Variants in DPM2 observed in about 807,000 individuals in gnomAD.
The protein encoded by DPM2 is dolichol phosphate-mannose biosynthesis regulatory protein.
DPM2 carries 8 observed loss-of-function variants against 12.1 expected under a neutral mutation model. The observed-to-expected ratio is 0.66, with a 90% CI of 0.39 to 1.19. The LOEUF (loss-of-function observed/expected upper bound fraction) is 1.19, where lower values mean the gene tolerates loss of function less well. Among genes scored for constraint, DPM2 ranks in the 50% most tolerant of loss-of-function variants. The probability of loss-of-function intolerance (pLI) is 0.01; values close to 1 mark genes in which losing one functional copy is unlikely to be tolerated. For synonymous variants in DPM2, 38 were observed against 44.7 expected, an observed-to-expected ratio of 0.85 and a Z score of 0.60; for missense variants, 93 against 102.5, an observed-to-expected ratio of 0.91 and a Z score of 0.40.
chr9:127,935,624 G>A lies in DPM2; in HGVS notation c.*98C>T. ...TCTGCAGGACAGGCAGGCTTGAGGA[G>A]CCACTGTGCCTGGACAGGTTCTGCA... is the stretch of plus-strand genomic sequence containing the variant. On this transcript the variant is annotated 3_prime_UTR_variant, in exon 4 of 4. Transcript: ENST00000314392. The A allele has an allele frequency of 7.9e-7, 1 of 1,267,314 alleles. No individual in the cohort carries two copies. Among genetic ancestry groups the A allele is most frequent in the Non-Finnish European group, 1.1e-6 (1 of 884,502 alleles). 78.5% of individuals were successfully genotyped at this position (1,267,314 alleles called of 1,614,324 possible). A position where few individuals can be genotyped will look rare whatever the true frequency, so the allele number is the denominator to read the frequency against.
chr9:127,935,890 A>G (rs966593050), intron 3 of DPM2, 110 bp from the exon 4 acceptor site: 2 of 1,021,158 alleles, frequency 2.0e-6, no homozygotes, highest in Non-Finnish European at 3.0e-6. Flanking sequence ...AACCTACCCA[A>G]CCATCCTCCA....
intron 3 of DPM2, 191 bp downstream of exon 3, chr9:127,936,362 G>T (rs138634733): frequency 1.5e-5 from 23 of 1,535,204 alleles, no homozygotes; most frequent in Non-Finnish European, 1.9e-5. Context: ...CAGGTCATTG[G>T]AGTCCAAAAA....
At chr9:127,937,551 G>C in intron 1 of DPM2, 28 bp from the exon 2 acceptor site, 1 of 1,572,382 alleles carries the variant, frequency 6.4e-7, no homozygotes, top group East Asian at 2.2e-5. Context: ...CTCAGCTGAC[G>C]AAGTGACCCT....
At chr9:127,935,831 TG>T (rs1176893897) in intron 3 of DPM2, 51 bp from the exon 4 acceptor site, 3 of 1,592,188 alleles carry the variant, frequency 1.9e-6, no homozygotes, top group African/African-American at 1.3e-5. Flanking sequence ...TCAGGGCTGC[TG>T]GGAGGCCAGG....
chr9:127,935,809 T>A (rs751967535), intron 3 of DPM2, 29 bp from the exon 4 acceptor site: 1 of 1,610,522 alleles, frequency 6.2e-7, no homozygotes. Flanking sequence ...AAAGGCCACA[T>A]AAGATCTAAG....
Position 127,935,587 on chromosome 9 carries a change from T to TGCCATGGGGACTCTGCAGGACAGGCAG in DPM2, c.*108_*134dup. 2.3e-6 allele frequency: 2 copies of TGCCATGGGGACTCTGCAGGACAGGCAG among 869,492 alleles called. No individual in the cohort carries two copies. The highest frequency in any genetic ancestry group is 3.7e-6 in the Non-Finnish European group (2 of 539,588). The allele number at this position is 869,492 out of a possible 1,614,324, so 53.9% of individuals were successfully genotyped here. On this transcript the variant is annotated 3_prime_UTR_variant, in exon 4 of 4. Coordinates refer to ENST00000314392, the MANE Select transcript of DPM2 (RefSeq NM_003863.4). ...TCCAGTCAGTCAGGTGTAAGCTCCA[T>TGCCATGGGGACTCTGCAGGACAGGCAG]GCCATGGGGACTCTGCAGGACAGGC...
rs1831527470 is a variant in DPM2, at chr9:127,937,466, AGAT to A, written c.58_60del (p.Ile20del). ...ATCACCCAGGCGGTGTAGTAGGTGA[AGAT>A]GATCAGGCTAACGGCGACGAGGCCG... On this transcript the variant is annotated inframe_deletion, in exon 2 of 4. Coordinates refer to ENST00000314392, the MANE Select transcript of DPM2 (RefSeq NM_003863.4). 6.2e-7 allele frequency: 1 copy of A among 1,613,896 alleles called. No individual in the cohort carries two copies. The highest frequency in any genetic ancestry group is 1.1e-5 in the South Asian group (1 of 91,078).
chr9:127,936,228 G>C (rs1392036567), intron 3 of DPM2: 1 of 1,378,090 alleles, frequency 7.3e-7, no homozygotes, highest in Non-Finnish European at 9.6e-7. Context: ...TAATGATGGA[G>C]ACACAGTCCC....
intron 3 of DPM2, chr9:127,936,278 A>G: frequency 6.9e-7 from 1 of 1,442,656 alleles, no homozygotes; most frequent in Middle Eastern, 2.0e-4. Context: ...TGCAGGAATT[A>G]GAAGCCAGGG....
intron 2 of DPM2, 86 bp downstream of exon 2, chr9:127,937,348 G>C: frequency 1.9e-6 from 2 of 1,030,396 alleles, no homozygotes; most frequent in South Asian, 2.9e-5. Flanking sequence ...AATGAAGCCA[G>C]CGCCGTGCCT....
intron 2 of DPM2, 24 bp downstream of exon 2, chr9:127,937,410 C>A: frequency 6.3e-7 from 1 of 1,592,670 alleles, no homozygotes; most frequent in South Asian, 1.1e-5. Context: ...GGAAGGTGAG[C>A]AGCGGACGGG....
intron 3 of DPM2, chr9:127,936,040 T>C (rs966083935): frequency 1.7e-5 from 10 of 591,406 alleles, no homozygotes; most frequent in Non-Finnish European, 2.1e-5. Context: ...GATCCACCCA[T>C]CTATCGATCA....
Position 127,936,535 on chromosome 9 carries a change from G to A in DPM2, c.196+18C>T, listed in dbSNP as rs774675353. ...CCGAAACCCTGCCCAGGGTCAAGGG[G>A]AGGAGGTGATGACTTACCCACAAAC... On this transcript the variant is annotated intron_variant, in intron 3 of 3. Coordinates refer to ENST00000314392, the MANE Select transcript of DPM2 (RefSeq NM_003863.4). The A allele has an allele frequency of 1.2e-6, 2 of 1,601,812 alleles. No individual in the cohort carries two copies. Among genetic ancestry groups the A allele is most frequent in the African/African-American group, 1.3e-5 (1 of 74,610 alleles).
Position 127,937,803 on chromosome 9 carries a change from C to T in DPM2, c.3+15G>A, listed in dbSNP as rs894255140. ...CCCAGACGCCCCTATCTCCGGCACA[C>T]GGTGCCAATCTCACCATTTCCCCGC... On this transcript the variant is annotated intron_variant, in intron 1 of 3. Coordinates refer to ENST00000314392, the MANE Select transcript of DPM2 (RefSeq NM_003863.4). The T allele has an allele frequency of 6.2e-7, 1 of 1,609,186 alleles. No individual in the cohort carries two copies. The highest frequency in any genetic ancestry group is 1.1e-5 in the South Asian group (1 of 90,384).
Position 127,936,362 on chromosome 9 carries a change from G to C in DPM2, c.196+191C>G, listed in dbSNP as rs138634733. ...CAGGAAAGAGGTAGACAGGTCATTG[G>C]AGTCCAAAAAGCCTGGGGCACCAGG... On this transcript the variant is annotated intron_variant, in intron 3 of 3. Coordinates refer to ENST00000314392, the MANE Select transcript of DPM2 (RefSeq NM_003863.4). The C allele has an allele frequency of 1.5e-3, 2,324 of 1,535,314 alleles. 14 individuals are homozygous for C. The African/African-American group carries it at 0.022, about 14-fold the overall frequency.
At chr9:127,935,863 C>G (rs991958222) in intron 3 of DPM2, 83 bp from the exon 4 acceptor site, 2 of 1,364,910 alleles carry the variant, frequency 1.5e-6, no homozygotes, top group Non-Finnish European at 2.1e-6. Context: ...GCAGAGCCAC[C>G]CACACACAGG....
rs2131646771 is a variant in DPM2, at chr9:127,935,384, A to T, written c.*338T>A. The T allele has an allele frequency of 2.4e-6, 1 of 418,218 alleles. No homozygotes were observed. The highest frequency in any genetic ancestry group is 2.4e-5 in the South Asian group (1 of 41,858). 25.9% of individuals were successfully genotyped at this position (418,218 alleles called of 1,614,324 possible). A position where few individuals can be genotyped will look rare whatever the true frequency, so the allele number is the denominator to read the frequency against. On this transcript the variant is annotated 3_prime_UTR_variant, in exon 4 of 4. Transcript: ENST00000314392. The stretch of plus-strand genomic sequence containing the variant: ...AGAACCTGCTAAGTCCAACGTCAGC[A>T]TGTGACAGGAGGGGAAGTGAGGCAA...
In DPM2 at chr9:127,935,199, G is replaced by A. The variant is rs1056161032; in HGVS notation, c.*523C>T. ...GGAGAGGTCAGTCGGTCAGCGGCCC[G>A]GGGTGGCTGCCCTGAGCCCCAGGGC... On this transcript the variant is annotated 3_prime_UTR_variant, in exon 4 of 4. Coordinates refer to ENST00000314392, the MANE Select transcript of DPM2 (RefSeq NM_003863.4). 2.3e-4 allele frequency: 40 copies of A among 171,344 alleles called. No individual in the cohort carries two copies. Among genetic ancestry groups the A allele is most frequent in the African/African-American group, 9.1e-4 (38 of 41,652 alleles). 10.6% of individuals were successfully genotyped at this position (171,344 alleles called of 1,614,324 possible). A position where few individuals can be genotyped will look rare whatever the true frequency, so the allele number is the denominator to read the frequency against.
chr9:127,937,641 CT>C, intron 1 of DPM2, 118 bp from the exon 2 acceptor site: 1 of 1,185,334 alleles, frequency 8.4e-7, no homozygotes. Context: ...TGGTAGAGGG[CT>C]GACTAGGGAT....
Sources: gnomAD v4.1 joint callset for allele counts on GRCh38, gnomAD v4.1.1 for gene constraint, MANE v1.5 for transcripts, NCBI Gene and HGNC (gene_info 2026-07-23, HGNC 2026-07-21) for gene names.